Variants in NFKB1 observed in about 807,000 individuals in gnomAD.
The protein encoded by NFKB1 is nuclear factor NF-kappa-B p105 subunit.
Under a neutral mutation model 105.1 loss-of-function variants are expected in NFKB1, and 9 were observed. The observed-to-expected ratio is 0.09, with a 90% CI of 0.05 to 0.15. The LOEUF is 0.15. NFKB1 is among the 10% of genes least tolerant of loss of function. The pLI is 1.00. For synonymous variants in NFKB1, 440 were observed against 442.2 expected, an observed-to-expected ratio of 1.00 and a Z score of 0.06; for missense variants, 830 against 1,203.7, an observed-to-expected ratio of 0.69 and a Z score of 4.59.
rs142074302 is a variant in NFKB1, at chr4:102,613,543, C to T, written c.2711C>T (p.Ser904Leu). The T allele has an allele frequency of 2.3e-5, 37 of 1,613,708 alleles. 1 individual carries two copies. The highest frequency in any genetic ancestry group is 4.5e-5 in the East Asian group (2 of 44,872). The change falls in exon 23 of 24, where the codon TCG becomes TTG. Residue 904 changes from serine to leucine, a missense_variant. This residue lies in a region of NFKB1 where 418 missense variants were observed against 575.3 expected (regional missense o/e 0.73). Coordinates refer to ENST00000226574, the MANE Select transcript of NFKB1 (RefSeq NM_003998.4). ...SPVKTTSQAH[S>L]LPLSPASTRQ... ...GTGAAGACCACCTCTCAGGCCCACT[C>T]GCTGCCTCTCTCGCCTGCCTCCACA...
chr4:102,545,461 G>A (rs541104457), intron 5 of NFKB1, among the ~76,000 whole-genome samples: 96 of 152,188 alleles, frequency 6.3e-4, no homozygotes, highest in African/African-American at 1.9e-3. Flanking sequence ...TCTGTGATCC[G>A]CATTTTATAA....
chr4:102,597,554 A>C lies in NFKB1; in HGVS notation c.1530A>C (p.Ala510=). ...TTCTAGAGAAGGCTATGCAGCTTGC[A>C]AAGAGGCATGCCAATGCCCTTTTCG... is the stretch of plus-strand genomic sequence containing the variant. ...NLFLEKAMQL[A]KRHANALFDY... The change falls in exon 15 of 24, where the codon GCA becomes GCC. Residue 510 remains alanine, a synonymous_variant. Transcript: ENST00000226574. 6.2e-7 allele frequency: 1 copy of C among 1,613,648 alleles called. No homozygotes were observed. Among genetic ancestry groups the C allele is most frequent in the Non-Finnish European group, 8.5e-7 (1 of 1,179,766 alleles).
At chr4:102,526,093 T>C (rs1373157512) in intron 2 of NFKB1, among the ~76,000 whole-genome samples, 1 of 152,174 alleles carries the variant, frequency 6.6e-6, no homozygotes, top group Non-Finnish European at 1.5e-5. Context: ...TCTCCTCTTT[T>C]TTTCTTCCAA....
chr4:102,525,399 T>C (rs947487660), intron 1 of NFKB1, 113 bp from the exon 2 acceptor site: 5 of 906,570 alleles, frequency 5.5e-6, no homozygotes, highest in Admixed American at 2.5e-5. Flanking sequence ...AAAAGGATTA[T>C]ATTTGGTCTT....
chr4:102,510,997 A>G (rs1480452967), intron 1 of NFKB1: 3 of 1,261,560 alleles, frequency 2.4e-6, no homozygotes, highest in Admixed American at 4.7e-5. Context: ...TTTAAAAAGC[A>G]GGATTGGAGA....
intron 6 of NFKB1, among the ~76,000 whole-genome samples, chr4:102,574,448 G>T (rs1290008098): frequency 6.6e-6 from 1 of 151,776 alleles, no homozygotes; most frequent in Admixed American, 6.6e-5. Context: ...ACAGCACTCA[G>T]CTGAAGACTC....
At chr4:102,529,393 G>GA (rs1741130673) in intron 2 of NFKB1, among the ~76,000 whole-genome samples, 1 of 152,070 alleles carries the variant, frequency 6.6e-6, no homozygotes, top group Non-Finnish European at 1.5e-5. Context: ...GCTAGATGAG[G>GA]GGTATATTTA....
At chr4:102,579,197 G>A (rs1173765764) in intron 8 of NFKB1, among the ~76,000 whole-genome samples, 158 bp downstream of exon 8, 1 of 152,156 alleles carries the variant, frequency 6.6e-6, no homozygotes, top group Admixed American at 6.5e-5. Context: ...TAGCTTGAAA[G>A]GTTGATGTCC....
chr4:102,616,498 C>T lies in NFKB1; in HGVS notation c.2814C>T (p.Ser938=), dbSNP rs1728953374. The change falls in exon 24 of 24, where the codon AGC becomes AGT. Residue 938 remains serine (S), a synonymous_variant. Transcript: ENST00000226574. The stretch of plus-strand genomic sequence containing the variant: ...TGGAGACATCCTTCCGCAAACTCAG[C>T]TTTACCGAGTCTCTGACCAGTGGTG... ...SGVETSFRKL[S]FTESLTSGAS... 1 of 1,614,126 alleles carries T rather than the reference C, an allele frequency of 6.2e-7. No individual in the cohort carries two copies.
chr4:102,521,023 A>G (rs1740537276), intron 1 of NFKB1, among the ~76,000 whole-genome samples: 1 of 152,198 alleles, frequency 6.6e-6, no homozygotes, highest in African/African-American at 2.4e-5. Flanking sequence ...CTGTATACAG[A>G]TTATATTGTA....
At chr4:102,574,961 A>G (rs1271093656) in intron 6 of NFKB1, among the ~76,000 whole-genome samples, 1 of 152,230 alleles carries the variant, frequency 6.6e-6, no homozygotes, top group African/African-American at 2.4e-5. Context: ...GATGTTTATC[A>G]TTGCTATTAC....
At chr4:102,511,374 T>C (rs2149098326) in intron 1 of NFKB1, among the ~76,000 whole-genome samples, 1 of 152,376 alleles carries the variant, frequency 6.6e-6, no homozygotes, top group South Asian at 2.1e-4. Flanking sequence ...TGTAGTCTTT[T>C]CAGTTTTTAA....
chr4:102,594,310 A>G (rs1726424187), intron 12 of NFKB1, among the ~76,000 whole-genome samples: 1 of 152,210 alleles, frequency 6.6e-6, no homozygotes, highest in Non-Finnish European at 1.5e-5. Context: ...AAAATGCTAT[A>G]CTGAACCTCT....
rs1363878426 is a variant in NFKB1, at chr4:102,615,908, A to C, written c.2750-526A>C. Among the ~76,000 whole-genome samples, 6 of 152,378 alleles carry C rather than the reference A, an allele frequency of 3.9e-5. No individual in the cohort carries two copies. In the East Asian group the frequency reaches 7.7e-4, roughly 20 times the overall value. On this transcript the variant is annotated intron_variant, in intron 23 of 23. Transcript: ENST00000226574. ...GACACTTATAAACAAAGGGAATTCA[A>C]CCTGATTTTCCAGTATAGACTCATT...
chr4:102,567,250 C>T, intron 6 of NFKB1, 115 bp downstream of exon 6: 1 of 1,075,894 alleles, frequency 9.3e-7, no homozygotes, highest in Non-Finnish European at 1.3e-6. Context: ...CTCAGATGAC[C>T]TCAAAAAACT....
rs1165893446 is a variant in NFKB1 at position 102,585,928 on chromosome 4, TGAAGGCCAATGTGGGTAAG to T, written c.1066+1117_1066+1135del. Among the ~76,000 whole-genome samples, 5 of 152,058 alleles carry T rather than the reference TGAAGGCCAATGTGGGTAAG, an allele frequency of 3.3e-5. No individual in the cohort carries two copies. The East Asian group carries it at 9.6e-4, about 29-fold the overall frequency. ...AGTGTTCTGAGCGCTCGGATGGACA[TGAAGGCCAATGTGGGTAAG>T]GAAGGCCAGGGCCAGGCTAAAGAGG... On this transcript the variant is annotated intron_variant, in intron 11 of 23. Coordinates refer to ENST00000226574, the MANE Select transcript of NFKB1 (RefSeq NM_003998.4).
intron 21 of NFKB1, 140 bp from the exon 22 acceptor site, chr4:102,612,294 C>A: frequency 2.1e-6 from 2 of 957,908 alleles, no homozygotes; most frequent in South Asian, 1.6e-5. Flanking sequence ...GCCTTCTACT[C>A]AGCTGGGCTT....
At chr4:102,585,972 G>A (rs1725679170) in intron 11 of NFKB1, among the ~76,000 whole-genome samples, 1 of 152,148 alleles carries the variant, frequency 6.6e-6, no homozygotes, top group Non-Finnish European at 1.5e-5. Context: ...GGCTAAAGAG[G>A]GCTGTGAATG....
At position 102,516,931 on chromosome 4, in the gene NFKB1, A is replaced by G. The variant is rs181057298; in HGVS notation, c.-7-8581A>G. On this transcript the variant is annotated intron_variant, in intron 1 of 23. Coordinates refer to ENST00000226574, the MANE Select transcript of NFKB1 (RefSeq NM_003998.4). ...GTGGTCTTTCTGAAATCACAACTGA[A>G]TGCTCACAATGTTCAGTGATGTCTT... Among the ~76,000 whole-genome samples, 339 of 152,296 alleles carry G rather than the reference A, an allele frequency of 2.2e-3. 5 individuals carry two copies. The highest frequency in any genetic ancestry group is 7.7e-4 in the East Asian group (4 of 5,186).
Sources: allele counts gnomAD v4.1 joint callset (sites outside exome capture counted in the v4.1 genomes callset), GRCh38; gene constraint gnomAD v4.1.1; regional missense constraint gnomAD v4.1.1; transcripts MANE v1.5; gene names NCBI Gene and HGNC (gene_info 2026-07-23, HGNC 2026-07-21).